ADAM12: variants seen among roughly 807,000 people sequenced by gnomAD.
ADAM12 encodes the protein disintegrin and metalloproteinase domain-containing protein 12.
A neutral mutation model predicts 106.4 loss-of-function variants in ADAM12; 70 were observed. The ratio of observed to expected loss-of-function variants is 0.66; its 90% CI spans 0.54 to 0.80. ADAM12 has a LOEUF of 0.80. ADAM12 is among the 30% of genes least tolerant of loss of function. The pLI is 0.00. For missense variants in ADAM12, 1,010 were observed against 1,171.9 expected (o/e 0.86, Z 2.02); for synonymous variants, 420 against 433.5 (o/e 0.97, Z 0.39).
intron 2 of ADAM12, among the ~76,000 whole-genome samples, chr10:126,305,874 C>G (rs1484332356): frequency 6.6e-6 from 1 of 151,988 alleles, no homozygotes; most frequent in African/African-American, 2.4e-5. Flanking sequence ...AATATTGTTA[C>G]AGCTGGTCAG....
chr10:126,193,582 G>A (rs886144021), intron 3 of ADAM12, among the ~76,000 whole-genome samples: 6 of 152,118 alleles, frequency 3.9e-5, no homozygotes, highest in African/African-American at 1.4e-4. Context: ...AAACAACAAT[G>A]GCATTATCAC....
chr10:126,201,418 T>C (rs752512882), intron 3 of ADAM12, among the ~76,000 whole-genome samples: 1 of 152,018 alleles, frequency 6.6e-6, no homozygotes, highest in Non-Finnish European at 1.5e-5. Flanking sequence ...TGGAGTGTTG[T>C]TGCCACGAGC....
chr10:126,207,092 G>T (rs1590620508), intron 3 of ADAM12, among the ~76,000 whole-genome samples: 1 of 152,238 alleles, frequency 6.6e-6, no homozygotes, highest in African/African-American at 2.4e-5. Flanking sequence ...TCTTTCTTTT[G>T]TAAATTGTCC....
intron 1 of ADAM12, among the ~76,000 whole-genome samples, chr10:126,337,756 G>GT (rs982357769): frequency 2.6e-5 from 4 of 152,022 alleles, no homozygotes; most frequent in East Asian, 1.9e-4. Context: ...GGTTTAGGTT[G>GT]TTTTTTTTGT....
chr10:126,277,564 T>C (rs1959327767), intron 3 of ADAM12, among the ~76,000 whole-genome samples: 1 of 152,202 alleles, frequency 6.6e-6, no homozygotes, highest in Non-Finnish European at 1.5e-5. Context: ...CAAAAATGTG[T>C]GCCCCTCGAT....
chr10:126,157,661 G>A lies in ADAM12; in HGVS notation c.261-2356C>T, dbSNP rs140535886. ...CCCTCACACTCACTGGCAAAGGCAC[G>A]TGGGCCTCCCAAGTGCTGCCCCTCA... On this transcript the variant is annotated intron_variant, in intron 3 of 22. Transcript: ENST00000448723. Among the ~76,000 whole-genome samples the A allele has an allele frequency of 6.6e-5, 10 of 152,354 alleles. No individual in the cohort carries two copies. The East Asian group carries it at 7.7e-4, about 12-fold the overall frequency.
At chr10:126,145,611 T>C (rs950761853) in intron 4 of ADAM12, 1 of 152,346 alleles carries the variant, frequency 6.6e-6, no homozygotes, top group Non-Finnish European at 1.5e-5. Context: ...AGTCAGACTA[T>C]CTGGGTTTGA....
At chr10:126,312,146 A>C (rs941526359) in intron 2 of ADAM12, among the ~76,000 whole-genome samples, 2 of 151,366 alleles carry the variant, frequency 1.3e-5, no homozygotes, top group African/African-American at 2.4e-5. Flanking sequence ...AAAAAAAAAA[A>C]AAAAAACCCA....
chr10:126,048,286 C>T (rs994713138), intron 16 of ADAM12, among the ~76,000 whole-genome samples: 1 of 152,072 alleles, frequency 6.6e-6, no homozygotes, highest in African/African-American at 2.4e-5. Flanking sequence ...TACCCCTGAA[C>T]CTAAAAGTTA....
At chr10:126,304,760 C>T (rs550086536) in intron 2 of ADAM12, among the ~76,000 whole-genome samples, 31 of 151,324 alleles carry the variant, frequency 2.0e-4, no homozygotes, top group African/African-American at 6.3e-4. Flanking sequence ...CCTTAACGCA[C>T]GTAAAAATGG....
chr10:126,320,364 C>T (rs148330824), intron 2 of ADAM12, among the ~76,000 whole-genome samples: 1,996 of 152,246 alleles, frequency 0.013, 38 homozygotes, highest in African/African-American at 0.045. Context: ...CATTCTACAA[C>T]GGTGCTGTAG....
intron 1 of ADAM12, among the ~76,000 whole-genome samples, chr10:126,382,841 T>C (rs998901629): frequency 3.3e-5 from 5 of 152,148 alleles, no homozygotes; most frequent in African/African-American, 1.2e-4. Flanking sequence ...TTAATAGCAA[T>C]TTTACATCCA....
At chr10:126,142,872 T>C (rs1356387855) in intron 4 of ADAM12, among the ~76,000 whole-genome samples, 7 of 152,134 alleles carry the variant, frequency 4.6e-5, no homozygotes, top group African/African-American at 1.4e-4. Flanking sequence ...TATGTGTGTG[T>C]ATGTGGGCAC....
chr10:126,175,533 T>C (rs1957205065), intron 3 of ADAM12, among the ~76,000 whole-genome samples: 1 of 152,240 alleles, frequency 6.6e-6, no homozygotes, highest in Non-Finnish European at 1.5e-5. Flanking sequence ...CCTTTTTCTG[T>C]GTACATGACT....
At chr10:126,162,985 G>C (rs1956963084) in intron 3 of ADAM12, among the ~76,000 whole-genome samples, 1 of 152,078 alleles carries the variant, frequency 6.6e-6, no homozygotes, top group Non-Finnish European at 1.5e-5. Flanking sequence ...GCAAGATCTG[G>C]TCAATTAAAA....
chr10:126,354,206 T>C lies in ADAM12; in HGVS notation c.89-23697A>G, dbSNP rs538332061. Reference sequence around the variant, plus strand: ...GCCTTCCTCATCTGAAAAGTGATGGTAAATTTATGGGTTGTCACCTGGTTT... The same window carrying C: ...GCCTTCCTCATCTGAAAAGTGATGGCAAATTTATGGGTTGTCACCTGGTTT... On this transcript the variant is annotated intron_variant, in intron 1 of 22. Coordinates refer to ENST00000448723, the MANE Select transcript of ADAM12 (RefSeq NM_001288973.2). Among the ~76,000 whole-genome samples, 7 of 152,326 alleles carry C rather than the reference T, an allele frequency of 4.6e-5. No individual in the cohort carries two copies. The South Asian group carries it at 1.2e-3, about 27-fold the overall frequency.
intron 5 of ADAM12, among the ~76,000 whole-genome samples, chr10:126,131,888 A>G (rs1308705410): frequency 6.6e-6 from 1 of 152,222 alleles, no homozygotes; most frequent in Non-Finnish European, 1.5e-5. Flanking sequence ...AATATTAGCT[A>G]GGACCCTGTA....
intron 4 of ADAM12, among the ~76,000 whole-genome samples, chr10:126,151,255 C>T (rs908969645): frequency 6.6e-6 from 1 of 152,110 alleles, no homozygotes; most frequent in Non-Finnish European, 1.5e-5. Flanking sequence ...ATGCAAGATG[C>T]TATGTGAGGC....
intron 3 of ADAM12, among the ~76,000 whole-genome samples, chr10:126,247,696 T>C (rs1055957167): frequency 6.6e-6 from 1 of 152,224 alleles, no homozygotes; most frequent in Admixed American, 6.5e-5. Flanking sequence ...TTCGCTGTTA[T>C]CTAGTTTTTG....
Sources: gnomAD v4.1 joint callset for allele counts (sites outside exome capture counted in the v4.1 genomes callset) on GRCh38, gnomAD v4.1.1 for gene constraint, MANE v1.5 for transcripts, NCBI Gene and HGNC (gene_info 2026-07-23, HGNC 2026-07-21) for gene names.